LTBP1: variants seen among roughly 807,000 people sequenced by gnomAD.
LTBP1 encodes the protein latent-transforming growth factor beta-binding protein 1.
A neutral mutation model predicts 207.6 loss-of-function variants in LTBP1; 129 were observed. That is an observed-to-expected ratio of 0.62 (90% CI 0.54 to 0.72). The LOEUF (loss-of-function observed/expected upper bound fraction) is 0.72, where lower values mean the gene tolerates loss of function less well. Ranked by LOEUF, LTBP1 falls within the 30% of genes least tolerant of loss-of-function variation. The pLI, the probability that LTBP1 is intolerant of heterozygous loss-of-function variation, is 0.00. For synonymous variants in LTBP1, 963 were observed against 833.7 expected (o/e 1.16, Z -2.67); for missense variants, 2,281 against 2,217.2 (o/e 1.03, Z -0.58).
chr2:33,343,864 A>G (rs1420780755), intron 25 of LTBP1, among the ~76,000 whole-genome samples: 1 of 152,238 alleles, frequency 6.6e-6, no homozygotes, highest in Non-Finnish European at 1.5e-5. Flanking sequence ...TATGAAACAT[A>G]TTTGCAATTA....
intron 5 of LTBP1, among the ~76,000 whole-genome samples, chr2:33,176,277 A>T (rs553391562): frequency 1.1e-4 from 17 of 152,250 alleles, no homozygotes; most frequent in African/African-American, 3.9e-4. Flanking sequence ...CGCAGGCTGG[A>T]GTGCAGTGGT....
chr2:33,229,638 T>C (rs938524030), intron 9 of LTBP1, among the ~76,000 whole-genome samples: 1 of 152,258 alleles, frequency 6.6e-6, no homozygotes, highest in African/African-American at 2.4e-5. Flanking sequence ...ACTTGCTATC[T>C]ATTTTGTATG....
intron 2 of LTBP1, among the ~76,000 whole-genome samples, chr2:33,003,428 C>T (rs1686338246): frequency 6.6e-6 from 1 of 152,146 alleles, no homozygotes; most frequent in East Asian, 1.9e-4. Flanking sequence ...GTCATGCAGC[C>T]AGTTAGTGAT....
At chr2:33,098,114 T>C (rs141577850) in intron 3 of LTBP1, among the ~76,000 whole-genome samples, 259 of 152,332 alleles carry the variant, frequency 1.7e-3, no homozygotes, top group African/African-American at 5.9e-3. Flanking sequence ...TGACAATAGT[T>C]CTTTTAAGAA....
intron 24 of LTBP1, among the ~76,000 whole-genome samples, chr2:33,324,919 A>T (rs1368723418): frequency 6.6e-6 from 1 of 151,970 alleles, no homozygotes; most frequent in African/African-American, 2.4e-5. Flanking sequence ...GTTAGCCGGG[A>T]TGGTCTCTAT....
chr2:33,246,442 A>G (rs711235), intron 10 of LTBP1, among the ~76,000 whole-genome samples: 94,699 of 151,848 alleles, frequency 0.62, 30,502 homozygotes, highest in East Asian at 0.91. Context: ...TCACAGGGAA[A>G]TAGCAGGAGG....
intron 5 of LTBP1, among the ~76,000 whole-genome samples, chr2:33,168,072 G>C (rs2148333550): frequency 6.6e-6 from 1 of 152,262 alleles, no homozygotes; most frequent in Non-Finnish European, 1.5e-5. Context: ...ATCACTCTGT[G>C]CATAGTTGTA....
chr2:33,374,036 C>T lies in LTBP1; in HGVS notation c.4711+8533C>T, dbSNP rs185752597. On this transcript the variant is annotated intron_variant, in intron 31 of 33. Coordinates refer to ENST00000404816, the MANE Select transcript of LTBP1 (RefSeq NM_206943.4). ...CATATCTGTGCATGGCTCTTAGACG[C>T]TCCCAAAGATCTCAGGGCAAGAAGT... 4.9e-4 allele frequency among the ~76,000 whole-genome samples: 75 copies of T among 152,288 alleles called. 1 individual carries two copies. Among genetic ancestry groups the T allele is most frequent in the Admixed American group, 2.0e-3 (30 of 15,286 alleles).
chr2:33,250,363 T>C (rs777513905), intron 10 of LTBP1, among the ~76,000 whole-genome samples: 1 of 152,214 alleles, frequency 6.6e-6, no homozygotes, highest in Non-Finnish European at 1.5e-5. Context: ...TAGAGGCATC[T>C]GGTGCTCACC....
intron 25 of LTBP1, among the ~76,000 whole-genome samples, chr2:33,344,449 G>T (rs2094673891): frequency 6.6e-6 from 1 of 152,160 alleles, no homozygotes; most frequent in Non-Finnish European, 1.5e-5. Context: ...CAGACTGGTT[G>T]TGGTTGCCCA....
At chr2:33,191,062 T>C (rs917378408) in intron 7 of LTBP1, among the ~76,000 whole-genome samples, 58 of 152,216 alleles carry the variant, frequency 3.8e-4, no homozygotes, top group Non-Finnish European at 4.0e-4. Context: ...TTGCATTGTT[T>C]ATTCATTCCA....
chr2:33,194,131 C>G (rs13401618), intron 7 of LTBP1, among the ~76,000 whole-genome samples: 8,293 of 152,086 alleles, frequency 0.055, 762 homozygotes, highest in African/African-American at 0.19. Context: ...AGACAACAGG[C>G]GCCCGCCACC....
rs1676387475 is a variant in LTBP1, at chr2:32,947,628, C to G, written c.304C>G (p.Pro102Ala). 7.5e-7 allele frequency: 1 copy of G among 1,338,492 alleles called. No individual in the cohort carries two copies. The highest frequency in any genetic ancestry group is 4.0e-5 in the Admixed American group (1 of 24,930). 82.9% of individuals were successfully genotyped at this position (1,338,492 alleles called of 1,614,324 possible). A position where few individuals can be genotyped will look rare whatever the true frequency, so the allele number is the denominator to read the frequency against. Residue 102 changes from proline (P) to alanine (A), a missense_variant, in exon 1 of 34, where the codon CCG (proline) becomes GCG (alanine). Transcript: ENST00000404816. ...GAALQGLRPPPPPPPEPARPA... is the reference protein window; with the variant it reads ...GAALQGLRPPAPPPPEPARPA... ...GGCCCTGCAGGGGCTCAGACCGCCGCCGCCGCCGCCGCCGGAGCCTGCGCG... is the reference window on the plus strand; with the variant it reads ...GGCCCTGCAGGGGCTCAGACCGCCGGCGCCGCCGCCGCCGGAGCCTGCGCG...
At chr2:33,110,455 A>T (rs2080337373) in intron 3 of LTBP1, 127 bp from the exon 4 acceptor site, 1 of 834,544 alleles carries the variant, frequency 1.2e-6, no homozygotes, top group Non-Finnish European at 1.8e-6. Context: ...ATTTGAAGGA[A>T]AAAAAATGAG....
chr2:33,074,903 T>G (rs1474116208), intron 3 of LTBP1, among the ~76,000 whole-genome samples: 1 of 145,408 alleles, frequency 6.9e-6, no homozygotes, highest in Admixed American at 6.8e-5. Flanking sequence ...AAAAGCACGT[T>G]AGATGGGCAT....
At chr2:32,994,011 G>T (rs1467614907) in intron 2 of LTBP1, among the ~76,000 whole-genome samples, 1 of 58,058 alleles carries the variant, frequency 1.7e-5, no homozygotes, top group Non-Finnish European at 5.2e-5. Flanking sequence ...TGTGTGTGTT[G>T]GGGGTTATTC....
intron 2 of LTBP1, among the ~76,000 whole-genome samples, chr2:33,012,087 G>T (rs1285099559): frequency 6.6e-6 from 1 of 152,130 alleles, no homozygotes; most frequent in Non-Finnish European, 1.5e-5. Flanking sequence ...GGGTCTCCCT[G>T]GCTGGGTTGT....
At chr2:33,136,357 C>T (rs923058095) in intron 5 of LTBP1, among the ~76,000 whole-genome samples, 11 of 152,096 alleles carry the variant, frequency 7.2e-5, no homozygotes, top group South Asian at 2.1e-4. Flanking sequence ...TAGGGCATGC[C>T]AGTTAATATT....
intron 26 of LTBP1, among the ~76,000 whole-genome samples, chr2:33,349,267 A>G (rs1233094772): frequency 6.6e-6 from 1 of 152,106 alleles, no homozygotes; most frequent in East Asian, 1.9e-4. Flanking sequence ...CTGGCCAACA[A>G]GGTGAAACCC....
Sources: allele counts gnomAD v4.1 joint callset (sites outside exome capture counted in the v4.1 genomes callset), GRCh38; gene constraint gnomAD v4.1.1; transcripts MANE v1.5; gene names NCBI Gene and HGNC (gene_info 2026-07-23, HGNC 2026-07-21).